The following ZMYM2 variants were observed in gnomAD, a reference collection of about 807,000 sequenced individuals.
The protein encoded by ZMYM2 is zinc finger MYM-type containing 2.
In ZMYM2, 56 loss-of-function variants were observed where a neutral mutation model predicts 162.8. That is an observed-to-expected ratio of 0.34 (90% CI 0.28 to 0.43). The LOEUF (loss-of-function observed/expected upper bound fraction) is 0.43. ZMYM2 is among the 20% of genes least tolerant of loss of function. ZMYM2 has a pLI of 1.00. For missense variants in ZMYM2, 1,275 were observed against 1,621.8 expected (o/e 0.79, Z 3.67); for synonymous variants, 510 against 541.6 (o/e 0.94, Z 0.81).
chr13:20,000,543 A>G (rs564394078), intron 3 of ZMYM2, among the ~76,000 whole-genome samples: 7 of 152,338 alleles, frequency 4.6e-5, no homozygotes, highest in Non-Finnish European at 8.8e-5. Flanking sequence ...ATGATGATAA[A>G]TGTACTCTGC....
chr13:19,960,551 A>G (rs1391483389), intron 2 of ZMYM2, among the ~76,000 whole-genome samples: 1 of 152,176 alleles, frequency 6.6e-6, no homozygotes, highest in Non-Finnish European at 1.5e-5. Flanking sequence ...TGCTTAGGAA[A>G]GGGAGTCAAC....
chr13:20,006,534 A>G lies in ZMYM2; in HGVS notation c.1460A>G (p.Asp487Gly), dbSNP rs183882192. ...GCTGGAAATAATGTTCTGGTGATTG[A>G]TGGTCAACAGAAAAGATTTTGCTGT... The part of the protein sequence containing the change: ...KGAGNNVLVI[D>G]GQQKRFCCQS... Residue 487 changes from aspartate to glycine, a missense_variant, in exon 6 of 25, where the codon GAT becomes GGT. This residue lies in a region of ZMYM2 where 276 missense variants were observed against 311.8 expected (regional missense o/e 0.89). Coordinates refer to ENST00000610343, the MANE Select transcript of ZMYM2 (RefSeq NM_197968.4). 2 of 1,613,920 alleles carry G rather than the reference A, an allele frequency of 1.2e-6. No homozygotes were observed. Among genetic ancestry groups the G allele is most frequent in the Admixed American group, 1.7e-5 (1 of 60,024 alleles).
chr13:20,016,436 T>C (rs983831169), intron 6 of ZMYM2, among the ~76,000 whole-genome samples: 1 of 152,204 alleles, frequency 6.6e-6, no homozygotes, highest in African/African-American at 2.4e-5. Flanking sequence ...ACTTGTTTTG[T>C]ATTCTCCCAT....
At chr13:19,906,274 T>C in the ZMYM2 span, among the ~76,000 whole-genome samples, 1 of 58,598 alleles carries the variant, frequency 1.7e-5, no homozygotes, top group African/African-American at 6.5e-5. Context: ...AAACTCTGTC[T>C]CAAAAAAAAG....
At chr13:20,081,253 C>A (rs569261543) in intron 21 of ZMYM2, among the ~76,000 whole-genome samples, 57 of 152,272 alleles carry the variant, frequency 3.7e-4, no homozygotes, top group African/African-American at 1.3e-3. Context: ...TGTCTGCATT[C>A]AAATAATATT....
chr13:19,960,938 T>C (rs1955140823), intron 2 of ZMYM2, among the ~76,000 whole-genome samples: 1 of 152,178 alleles, frequency 6.6e-6, no homozygotes, highest in Non-Finnish European at 1.5e-5. Context: ...AATAGTGAAT[T>C]GATAAGCATT....
the ZMYM2 span, among the ~76,000 whole-genome samples, chr13:19,944,330 G>GA: frequency 6.6e-6 from 1 of 152,138 alleles, no homozygotes; most frequent in Non-Finnish European, 1.5e-5. Context: ...ACAGGATAAT[G>GA]AAACGACTGA....
intron 17 of ZMYM2, 65 bp downstream of exon 17, chr13:20,061,289 C>CA: frequency 1.3e-6 from 2 of 1,527,054 alleles, no homozygotes; most frequent in Non-Finnish European, 1.8e-6. Flanking sequence ...AGTATTGTTA[C>CA]AGTACTTTCC....
At chr13:20,018,582 T>C (rs1951810649) in intron 6 of ZMYM2, among the ~76,000 whole-genome samples, 1 of 152,244 alleles carries the variant, frequency 6.6e-6, no homozygotes, top group Non-Finnish European at 1.5e-5. Flanking sequence ...CTGAAGTGTA[T>C]TGATACACTT....
the ZMYM2 span, among the ~76,000 whole-genome samples, chr13:19,878,811 C>G: frequency 2.0e-5 from 3 of 152,104 alleles, no homozygotes; most frequent in African/African-American, 7.2e-5. Flanking sequence ...CTGTGCCCAG[C>G]CCTTTGCCCA....
chr13:19,928,810 A>C, the ZMYM2 span, among the ~76,000 whole-genome samples: 31 of 150,020 alleles, frequency 2.1e-4, no homozygotes, highest in Admixed American at 1.5e-3. Flanking sequence ...AAAAAAAAAA[A>C]CAAAAACCCG....
intron 9 of ZMYM2, among the ~76,000 whole-genome samples, chr13:20,030,008 TG>T (rs1255775235): frequency 6.6e-6 from 1 of 152,010 alleles, no homozygotes; most frequent in African/African-American, 2.4e-5. Context: ...TTGGCCAGGC[TG>T]GTCTCGAACT....
rs1308985156 is a variant in ZMYM2, at chr13:20,087,280, AAAC to A, written c.*1270_*1272del. On this transcript the variant is annotated 3_prime_UTR_variant, in exon 25 of 25. Transcript: ENST00000610343. ...TTATAGAAGATTGCATTAAAAAAAAAAACAACTTTGTGCTTCTGCATAGCAATT... is the reference window on the plus strand; with the variant it reads ...TTATAGAAGATTGCATTAAAAAAAAAAACTTTGTGCTTCTGCATAGCAATT... 32 of 189,288 alleles carry A rather than the reference AAAC, an allele frequency of 1.7e-4. No homozygotes were observed. Among genetic ancestry groups the A allele is most frequent in the African/African-American group, 6.5e-4 (28 of 42,888 alleles). The allele number at this position is 189,288 out of a possible 1,614,324, so 11.7% of individuals were successfully genotyped here.
the ZMYM2 span, among the ~76,000 whole-genome samples, chr13:19,869,159 C>T: frequency 6.6e-6 from 1 of 152,198 alleles, no homozygotes; most frequent in Non-Finnish European, 1.5e-5. Flanking sequence ...ACTTAGTTTA[C>T]AGTTACTTTT....
At chr13:20,063,802 T>A (rs557186535) in intron 18 of ZMYM2, among the ~76,000 whole-genome samples, 280 of 11,140 alleles carry the variant, frequency 0.025, 4 homozygotes, top group African/African-American at 0.034. Context: ...ATATAAAAAA[T>A]ATATAATATA....
the ZMYM2 span, among the ~76,000 whole-genome samples, chr13:19,942,925 A>T: frequency 2.0e-5 from 3 of 152,142 alleles, no homozygotes; most frequent in African/African-American, 7.2e-5. Context: ...ATTACATGCT[A>T]AAAGCTATAT....
intron 6 of ZMYM2, among the ~76,000 whole-genome samples, chr13:20,006,861 G>A (rs1181736804): frequency 6.6e-6 from 1 of 152,170 alleles, no homozygotes; most frequent in Non-Finnish European, 1.5e-5. Context: ...CCCGTTGTAA[G>A]TTGGAAATGT....
chr13:20,012,414 A>G (rs1436658045), intron 6 of ZMYM2, among the ~76,000 whole-genome samples: 1 of 152,116 alleles, frequency 6.6e-6, no homozygotes, highest in Non-Finnish European at 1.5e-5. Flanking sequence ...TCCTGACTTC[A>G]AGTGATCTGT....
intron 6 of ZMYM2, among the ~76,000 whole-genome samples, chr13:20,009,229 C>T (rs1324581398): frequency 6.6e-6 from 1 of 151,992 alleles, no homozygotes; most frequent in Admixed American, 6.5e-5. Flanking sequence ...ATTAAGTGGA[C>T]AAATTTCTAT....
Sources: gnomAD v4.1 joint callset for allele counts (sites outside exome capture counted in the v4.1 genomes callset) on GRCh38, gnomAD v4.1.1 for gene constraint, gnomAD v4.1.1 regional missense constraint, MANE v1.5 for transcripts, NCBI Gene and HGNC (gene_info 2026-07-23, HGNC 2026-07-21) for gene names.